IQCM: variants seen among roughly 807,000 people sequenced by gnomAD.
IQCM encodes IQ domain-containing protein M.
Under a neutral mutation model 57.6 loss-of-function variants are expected in IQCM, and 45 were observed. The ratio of observed to expected loss-of-function variants is 0.78; its 90% confidence interval spans 0.62 to 1.00. The LOEUF (loss-of-function observed/expected upper bound fraction) is 1.00. IQCM is among the 50% of genes least tolerant of loss of function. The pLI is 0.00. For missense variants in IQCM, 468 were observed against 511.6 expected (o/e 0.91, Z 0.82); for synonymous variants, 148 against 158.9 (o/e 0.93, Z 0.51).
chr4:149,411,174 C>T (rs902698386), intron 13 of IQCM, among the ~76,000 whole-genome samples: 1 of 152,062 alleles, frequency 6.6e-6, no homozygotes, highest in South Asian at 2.1e-4. Flanking sequence ...ATCCTCAATA[C>T]TTCACTTTCA....
intron 13 of IQCM, among the ~76,000 whole-genome samples, chr4:149,411,884 A>G (rs1460055632): frequency 6.6e-6 from 1 of 152,196 alleles, no homozygotes; most frequent in Non-Finnish European, 1.5e-5. Flanking sequence ...GCTGAGATTG[A>G]GCCCAGATTG....
intron 5 of IQCM, among the ~76,000 whole-genome samples, chr4:149,724,892 A>T (rs1290353977): frequency 6.6e-6 from 1 of 152,008 alleles, no homozygotes; most frequent in Non-Finnish European, 1.5e-5. Context: ...CTAATTTCTA[A>T]TAGTCAATCA....
intron 12 of IQCM, among the ~76,000 whole-genome samples, chr4:149,516,110 C>A (rs1038328373): frequency 6.6e-6 from 1 of 152,162 alleles, no homozygotes; most frequent in Non-Finnish European, 1.5e-5. Flanking sequence ...CTGCCTATGG[C>A]CATTGATTAG....
intron 11 of IQCM, among the ~76,000 whole-genome samples, chr4:149,551,929 C>T (rs1749075911): frequency 6.6e-6 from 1 of 151,998 alleles, no homozygotes; most frequent in Non-Finnish European, 1.5e-5. Context: ...TCCTGTCTTC[C>T]CATCTCTCCA....
chr4:149,521,393 C>A (rs1560945787), intron 12 of IQCM, among the ~76,000 whole-genome samples: 1 of 151,998 alleles, frequency 6.6e-6, no homozygotes, highest in Non-Finnish European at 1.5e-5. Context: ...CTTTTTTCTA[C>A]CATGCAAATT....
chr4:149,742,036 A>G (rs1767505127), intron 3 of IQCM, among the ~76,000 whole-genome samples: 1 of 152,002 alleles, frequency 6.6e-6, no homozygotes. Flanking sequence ...TAGACATACT[A>G]AAAAAGGTGA....
rs1434189188 is a variant in IQCM, at chr4:149,371,247, C to T, written c.1391-19181G>A. ...TAAGCAAACGTGGGGCAACTTTCTA[C>T]TACCAAAGTACTCTGGAGCCAAGGC... On this transcript the variant is annotated intron_variant, in intron 13 of 13. Coordinates refer to ENST00000636793, the MANE Select transcript of IQCM (RefSeq NM_001363507.2). 2.6e-5 allele frequency among the ~76,000 whole-genome samples: 4 copies of T among 152,244 alleles called. No individual in the cohort carries two copies. In the South Asian group the frequency reaches 6.2e-4, roughly 24 times the overall value.
At chr4:149,392,947 G>A (rs769151151) in intron 13 of IQCM, among the ~76,000 whole-genome samples, 6 of 152,012 alleles carry the variant, frequency 3.9e-5, no homozygotes, top group Non-Finnish European at 7.4e-5. Flanking sequence ...GAGGTGGGAG[G>A]ACTGCTTAGG....
chr4:149,359,027 CA>C (rs1729281493), intron 13 of IQCM, among the ~76,000 whole-genome samples: 1 of 151,900 alleles, frequency 6.6e-6, no homozygotes. Flanking sequence ...AAGAAGGGGA[CA>C]TCAAGGAAAT....
At chr4:149,510,712 C>T (rs1240951904) in intron 12 of IQCM, among the ~76,000 whole-genome samples, 1 of 152,074 alleles carries the variant, frequency 6.6e-6, no homozygotes, top group Non-Finnish European at 1.5e-5. Context: ...GAATACTAGT[C>T]AAGTATTTCA....
chr4:149,703,535 C>T (rs1169358856), intron 5 of IQCM, among the ~76,000 whole-genome samples: 1 of 151,832 alleles, frequency 6.6e-6, no homozygotes, highest in African/African-American at 2.4e-5. Context: ...TCTATACAGA[C>T]CAATAGGGCT....
intron 12 of IQCM, among the ~76,000 whole-genome samples, chr4:149,466,796 T>C (rs965070207): frequency 6.6e-6 from 1 of 152,198 alleles, no homozygotes; most frequent in African/African-American, 2.4e-5. Flanking sequence ...CCAGAATTTA[T>C]TGTTCTGGAA....
intron 2 of IQCM, among the ~76,000 whole-genome samples, chr4:149,776,322 C>T (rs1314418398): frequency 2.0e-5 from 3 of 152,090 alleles, no homozygotes; most frequent in African/African-American, 7.2e-5. Context: ...TAACACAATA[C>T]TATCCCCACT....
chr4:149,604,353 T>G (rs1048665060), intron 8 of IQCM, among the ~76,000 whole-genome samples: 53 of 152,334 alleles, frequency 3.5e-4, no homozygotes, highest in African/African-American at 1.2e-3. Flanking sequence ...TGCTGCTGCA[T>G]GTGTTATAAA....
chr4:149,420,025 T>A (rs1280890039), intron 13 of IQCM, among the ~76,000 whole-genome samples: 1 of 152,032 alleles, frequency 6.6e-6, no homozygotes, highest in Non-Finnish European at 1.5e-5. Flanking sequence ...GAAATAGGAA[T>A]CTTTTTACAC....
At chr4:149,428,582 T>C (rs936597668) in intron 13 of IQCM, among the ~76,000 whole-genome samples, 4 of 151,788 alleles carry the variant, frequency 2.6e-5, no homozygotes, top group Non-Finnish European at 4.4e-5. Flanking sequence ...TATAAGAAAG[T>C]CTTATGTTAC....
chr4:149,811,817 T>C (rs1398061685), intron 2 of IQCM, among the ~76,000 whole-genome samples: 2 of 152,220 alleles, frequency 1.3e-5, no homozygotes, highest in African/African-American at 4.8e-5. Flanking sequence ...CACACTGGAC[T>C]GTGAATAATT....
intron 12 of IQCM, among the ~76,000 whole-genome samples, chr4:149,495,527 T>C (rs919776510): frequency 2.0e-5 from 3 of 152,140 alleles, no homozygotes; most frequent in Non-Finnish European, 2.9e-5. Context: ...TCAAAACACA[T>C]GTGCACCTGC....
At chr4:149,386,383 A>C (rs1381929299) in intron 13 of IQCM, among the ~76,000 whole-genome samples, 11 of 152,106 alleles carry the variant, frequency 7.2e-5, no homozygotes, top group African/African-American at 2.7e-4. Flanking sequence ...TACTTATTAC[A>C]TAGATCAGTT....
Sources: gnomAD v4.1 joint callset for allele counts (sites outside exome capture counted in the v4.1 genomes callset) on GRCh38, gnomAD v4.1.1 for gene constraint, MANE v1.5 for transcripts, NCBI Gene and HGNC (gene_info 2026-07-23, HGNC 2026-07-21) for gene names.